EYA4: variants seen among roughly 807,000 people sequenced by gnomAD.
The protein encoded by EYA4 is EYA transcriptional coactivator and phosphatase 4.
A neutral mutation model predicts 87.9 loss-of-function variants in EYA4; 31 were observed. The ratio of observed to expected loss-of-function variants is 0.35; its 90% CI spans 0.27 to 0.48. The LOEUF (loss-of-function observed/expected upper bound fraction) is 0.48, where lower values mean the gene tolerates loss of function less well. EYA4 is among the 20% of genes least tolerant of loss of function. EYA4 has a pLI of 0.99. For missense variants in EYA4, 678 were observed against 761.4 expected, an observed-to-expected ratio of 0.89 and a Z score of 1.29; for synonymous variants, 263 against 270.6, an observed-to-expected ratio of 0.97 and a Z score of 0.28.
chr6:133,293,553 T>A (rs751404411), intron 2 of EYA4, among the ~76,000 whole-genome samples: 112 of 152,160 alleles, frequency 7.4e-4, no homozygotes, highest in Non-Finnish European at 1.4e-3. Context: ...GCACCTTAAC[T>A]GCTCTGAACC....
chr6:133,512,347 G>A (rs1799226982), intron 14 of EYA4, among the ~76,000 whole-genome samples: 1 of 152,158 alleles, frequency 6.6e-6, no homozygotes, highest in Non-Finnish European at 1.5e-5. Context: ...TAAGTTTTGT[G>A]TATCTTCAGA....
intron 2 of EYA4, among the ~76,000 whole-genome samples, chr6:133,285,748 C>T (rs955781669): frequency 2.0e-5 from 3 of 152,080 alleles, no homozygotes; most frequent in Non-Finnish European, 4.4e-5. Flanking sequence ...GGTAGTAAGT[C>T]GTTGCATTGG....
chr6:133,487,075 GCA>G (rs1796746433), intron 13 of EYA4, among the ~76,000 whole-genome samples: 1 of 152,204 alleles, frequency 6.6e-6, no homozygotes, highest in African/African-American at 2.4e-5. Context: ...GAGAATCTGT[GCA>G]CTTGGGGGAG....
At chr6:133,410,080 A>AT (rs1460799520) in intron 3 of EYA4, among the ~76,000 whole-genome samples, 17 of 152,234 alleles carry the variant, frequency 1.1e-4, no homozygotes, top group African/African-American at 3.8e-4. Flanking sequence ...AATGCAGCAA[A>AT]TTTACTAATA....
chr6:133,407,439 T>C (rs1788812535), intron 3 of EYA4, among the ~76,000 whole-genome samples: 1 of 152,050 alleles, frequency 6.6e-6, no homozygotes. Flanking sequence ...CTTTGGCTGT[T>C]ACTCACTCAC....
At chr6:133,326,050 G>A (rs1781476581) in intron 2 of EYA4, among the ~76,000 whole-genome samples, 1 of 152,216 alleles carries the variant, frequency 6.6e-6, no homozygotes, top group African/African-American at 2.4e-5. Flanking sequence ...GAAGCTTGTG[G>A]GGACTTCCAT....
chr6:133,528,006 A>G (rs562063509), intron 19 of EYA4, among the ~76,000 whole-genome samples: 1 of 152,148 alleles, frequency 6.6e-6, no homozygotes, highest in Non-Finnish European at 1.5e-5. Flanking sequence ...CTATTATAGT[A>G]TATCTTTTGA....
chr6:133,385,470 A>AT (rs1240941652), intron 3 of EYA4, among the ~76,000 whole-genome samples: 1 of 149,526 alleles, frequency 6.7e-6, no homozygotes, highest in African/African-American at 2.5e-5. Context: ...TCAGATTGAG[A>AT]TTTAAAGCCC....
intron 3 of EYA4, among the ~76,000 whole-genome samples, chr6:133,428,668 G>A (rs1298017185): frequency 2.0e-5 from 3 of 151,952 alleles, no homozygotes; most frequent in African/African-American, 7.3e-5. Flanking sequence ...TTCTCCTCTG[G>A]GGATAGAATG....
intron 2 of EYA4, among the ~76,000 whole-genome samples, chr6:133,371,811 C>T (rs899410812): frequency 6.6e-6 from 1 of 152,138 alleles, no homozygotes; most frequent in East Asian, 1.9e-4. Flanking sequence ...AGCCAGATGA[C>T]TTCCTACGTG....
Position 133,525,249 on chromosome 6 carries a change from A to G in EYA4, c.1834A>G (p.Lys612Glu). ...GDGVEEEQAA[K>E]KHNMPFWRIS... ...TGGTGTAGAAGAAGAACAGGCAGCA[A>G]AAAAGGTAACCTGTCTCAAACAATG... Residue 612 changes from lysine to glutamate, a missense_variant, in exon 19 of 20, where the codon AAA becomes GAA. Lys to Glu is a moderately conservative substitution (Grantham distance 56). Transcript: ENST00000355286. The G allele has an allele frequency of 1.2e-6, 2 of 1,612,718 alleles. No individual in the cohort carries two copies.
chr6:133,273,024 A>T (rs1031803079), intron 1 of EYA4, among the ~76,000 whole-genome samples: 4 of 150,958 alleles, frequency 2.6e-5, no homozygotes, highest in African/African-American at 9.8e-5. Flanking sequence ...TGCTCATTAG[A>T]CACCCCACTC....
intron 19 of EYA4, among the ~76,000 whole-genome samples, chr6:133,526,493 A>C (rs760189374): frequency 1.3e-5 from 2 of 152,194 alleles, no homozygotes; most frequent in African/African-American, 2.4e-5. Context: ...AGCAAAATGG[A>C]GAAAAGGAAA....
chr6:133,370,034 A>G (rs1785150283), intron 2 of EYA4, among the ~76,000 whole-genome samples: 1 of 152,200 alleles, frequency 6.6e-6, no homozygotes, highest in African/African-American at 2.4e-5. Flanking sequence ...GTCTCCTCCT[A>G]TTTAACCTAC....
chr6:133,257,632 A>G (rs1775445216), intron 1 of EYA4, among the ~76,000 whole-genome samples: 1 of 152,206 alleles, frequency 6.6e-6, no homozygotes, highest in Admixed American at 6.5e-5. Flanking sequence ...CACTGCTGTG[A>G]GGGAATTAAA....
intron 3 of EYA4, among the ~76,000 whole-genome samples, chr6:133,420,595 G>T (rs1790135534): frequency 6.6e-6 from 1 of 152,194 alleles, no homozygotes; most frequent in South Asian, 2.1e-4. Context: ...GTAAGACTCT[G>T]ACAGCAGGCT....
intron 1 of EYA4, among the ~76,000 whole-genome samples, chr6:133,265,061 TG>T (rs1776106266): frequency 6.6e-6 from 1 of 152,158 alleles, no homozygotes; most frequent in South Asian, 2.1e-4. Context: ...TTCTGAGAAT[TG>T]TCTTAAAACT....
At chr6:133,462,228 A>G in intron 7 of EYA4, 107 bp from the exon 8 acceptor site, 1 of 1,241,478 alleles carries the variant, frequency 8.1e-7, no homozygotes, top group African/African-American at 1.5e-5. Context: ...TATATTGTGG[A>G]TAAAGAGGAT....
At chr6:133,387,423 A>G (rs1056744227) in intron 3 of EYA4, among the ~76,000 whole-genome samples, 5 of 152,204 alleles carry the variant, frequency 3.3e-5, no homozygotes, top group Non-Finnish European at 5.9e-5. Context: ...AAGAAGTACC[A>G]AAAATCATTA....
Sources: gnomAD v4.1 joint callset for allele counts (sites outside exome capture counted in the v4.1 genomes callset) on GRCh38, gnomAD v4.1.1 for gene constraint, MANE v1.5 for transcripts, NCBI Gene and HGNC (gene_info 2026-07-23, HGNC 2026-07-21) for gene names.